Variants in ATP13A5 observed in about 807,000 individuals in gnomAD.
ATP13A5 encodes the protein ATPase 13A5.
A neutral mutation model predicts 150.2 loss-of-function variants in ATP13A5; 149 were observed. That is an observed-to-expected ratio of 0.99 (90% confidence interval 0.87 to 1.14). The LOEUF (loss-of-function observed/expected upper bound fraction) is 1.14. ATP13A5 is among the 50% of genes most tolerant of loss of function. The pLI is 0.00. For missense variants in ATP13A5, 1,383 were observed against 1,449.3 expected (o/e 0.95, Z 0.74); for synonymous variants, 497 against 522.2 (o/e 0.95, Z 0.66).
chr3:193,333,840 T>C lies in ATP13A5; in HGVS notation c.1182A>G (p.Leu394=). The change falls in exon 11 of 30, where the codon CTA becomes CTG. Residue 394 remains leucine (L), a synonymous_variant. Coordinates refer to ENST00000342358, the MANE Select transcript of ATP13A5 (RefSeq NM_198505.4). ...CGATGAACTTGAAGGCATCGCTGTATAGTTTGAAGTTCAGAGGCCGGGGGT... is the reference window on the plus strand; with the variant it reads ...CGATGAACTTGAAGGCATCGCTGTACAGTTTGAAGTTCAGAGGCCGGGGGT... ...ILYPRPLNFK[L]YSDAFKFIVF... 6.2e-7 allele frequency: 1 copy of C among 1,613,928 alleles called. No individual in the cohort carries two copies. Among genetic ancestry groups the C allele is most frequent in the Non-Finnish European group, 8.5e-7 (1 of 1,179,884 alleles).
chr3:193,359,880 A>G (rs1442587287), intron 5 of ATP13A5, among the ~76,000 whole-genome samples: 1 of 151,960 alleles, frequency 6.6e-6, no homozygotes, highest in East Asian at 1.9e-4. Context: ...GCTGCCAGGA[A>G]GTCATTTACT....
At chr3:193,316,168 C>T (rs1197050342) in intron 17 of ATP13A5, among the ~76,000 whole-genome samples, 1 of 151,998 alleles carries the variant, frequency 6.6e-6, no homozygotes, top group South Asian at 2.1e-4. Context: ...AATAATATTC[C>T]ATTATATGTA....
Position 193,335,036 on chromosome 3 carries a change from C to T in ATP13A5, c.1007G>A (p.Cys336Tyr), listed in dbSNP as rs1171138201. The T allele has an allele frequency of 1.9e-6, 3 of 1,613,870 alleles. No individual in the cohort carries two copies. The highest frequency in any genetic ancestry group is 2.5e-6 in the Non-Finnish European group (3 of 1,179,854). The change falls in exon 10 of 30, where the codon TGT becomes TAT. Residue 336 changes from cysteine to tyrosine, a missense_variant. Physicochemically the swap from Cys to Tyr is radical, Grantham distance 194. This residue lies in a region of ATP13A5 where 787 missense variants were observed against 771.9 expected (regional missense o/e 1.02). Transcript: ENST00000342358. ...TTTCCTATAATCCTCCAAACTGTGACATTTCCAAGGCATAGTGTTCTCCAT... is the reference window on the plus strand; with the variant it reads ...TTTCCTATAATCCTCCAAACTGTGATATTTCCAAGGCATAGTGTTCTCCAT... ...PQMENTMPWK[C>Y]HSLEDYRKHV...
intron 16 of ATP13A5, 61 bp downstream of exon 16, chr3:193,321,620 G>C: frequency 1.3e-6 from 2 of 1,566,824 alleles, no homozygotes; most frequent in Non-Finnish European, 1.7e-6. Flanking sequence ...GACAGAGCAA[G>C]ATTCTGTCTC....
chr3:193,310,813 T>G (rs1718816552), intron 20 of ATP13A5, 96 bp from the exon 21 acceptor site: 1 of 823,274 alleles, frequency 1.2e-6, no homozygotes, highest in Non-Finnish European at 1.9e-6. Context: ...GGTTACTAAT[T>G]TAATACAGCA....
intron 29 of ATP13A5, among the ~76,000 whole-genome samples, chr3:193,275,766 C>T (rs1301865716): frequency 6.6e-6 from 1 of 152,184 alleles, no homozygotes; most frequent in Non-Finnish European, 1.5e-5. Context: ...CACATGCCCA[C>T]ACAGTTTTTA....
At chr3:193,323,555 G>C (rs1181788097) in intron 14 of ATP13A5, 1 of 152,206 alleles carries the variant, frequency 6.6e-6, no homozygotes, top group Admixed American at 6.5e-5. Flanking sequence ...GGGGGATGTA[G>C]TTAGGGCCAG....
chr3:193,285,013 C>G lies in ATP13A5; in HGVS notation c.3127G>C (p.Glu1043Gln). 1 of 1,614,018 alleles carries G rather than the reference C, an allele frequency of 6.2e-7. No individual in the cohort carries two copies. ...GTGATGGGCCACAGTGTGGTGGTCT[C>G]AAAACTTAAAATTGAACCAGGAATC... ...TLIPGSILSFETTTLWPITTI... is the reference protein window; with the variant it reads ...TLIPGSILSFQTTTLWPITTI... The change falls in exon 27 of 30, where the codon GAG (glutamate) becomes CAG (glutamine). Residue 1043 changes from glutamate to glutamine, a missense_variant. By Grantham distance (29) the Glu-to-Gln change is conservative. Around this residue, in one of 3 missense-constraint regions of ATP13A5, gnomAD observed 568 missense variants for 621.5 expected, o/e 0.91. Coordinates refer to ENST00000342358, the MANE Select transcript of ATP13A5 (RefSeq NM_198505.4).
At chr3:193,350,064 T>C (rs1386502909) in intron 7 of ATP13A5, among the ~76,000 whole-genome samples, 3 of 152,074 alleles carry the variant, frequency 2.0e-5, no homozygotes, top group Non-Finnish European at 1.5e-5. Flanking sequence ...TATAGTATTA[T>C]TTTAAAAACA....
At chr3:193,326,842 C>T (rs968741488) in intron 13 of ATP13A5, among the ~76,000 whole-genome samples, 154 bp downstream of exon 13, 2 of 152,160 alleles carry the variant, frequency 1.3e-5, no homozygotes, top group Admixed American at 1.3e-4. Flanking sequence ...AATTAGAATT[C>T]ATTTAAGCAA....
chr3:193,333,834 G>A lies in ATP13A5; in HGVS notation c.1188C>T (p.Ser396=), dbSNP rs779145810. The A allele has an allele frequency of 2.1e-5, 34 of 1,613,758 alleles. No individual in the cohort carries two copies. Among genetic ancestry groups the A allele is most frequent in the East Asian group, 1.3e-4 (6 of 44,870 alleles). Residue 396 remains serine, a synonymous_variant, in exon 11 of 30, where the codon AGC becomes AGT. Coordinates refer to ENST00000342358, the MANE Select transcript of ATP13A5 (RefSeq NM_198505.4). ...YPRPLNFKLY[S]DAFKFIVFLA... ...GGAACACGATGAACTTGAAGGCATCGCTGTATAGTTTGAAGTTCAGAGGCC... is the reference window on the plus strand; with the variant it reads ...GGAACACGATGAACTTGAAGGCATCACTGTATAGTTTGAAGTTCAGAGGCC...
intron 17 of ATP13A5, among the ~76,000 whole-genome samples, chr3:193,317,969 T>C (rs886422246): frequency 6.6e-6 from 1 of 152,244 alleles, no homozygotes; most frequent in Non-Finnish European, 1.5e-5. Flanking sequence ...ACAAATCCTA[T>C]GTGGTCTGGA....
chr3:193,345,903 T>A (rs1489956953), intron 7 of ATP13A5, among the ~76,000 whole-genome samples: 2 of 152,112 alleles, frequency 1.3e-5, no homozygotes, highest in Non-Finnish European at 2.9e-5. Flanking sequence ...CAAAGCTAAA[T>A]GTTCTCTGTA....
chr3:193,322,974 T>C (rs1264449255), intron 14 of ATP13A5, among the ~76,000 whole-genome samples: 1 of 152,224 alleles, frequency 6.6e-6, no homozygotes, highest in Non-Finnish European at 1.5e-5. Flanking sequence ...TAGTTCTTCA[T>C]ACTATACCTA....
intron 9 of ATP13A5, among the ~76,000 whole-genome samples, chr3:193,341,167 C>A (rs112543024): frequency 0.048 from 6,200 of 129,868 alleles, 364 homozygotes; most frequent in African/African-American, 0.15. Flanking sequence ...AACATATTCC[C>A]CCCCCCTCCC....
chr3:193,318,902 G>T, intron 17 of ATP13A5, 89 bp downstream of exon 17: 1 of 886,236 alleles, frequency 1.1e-6, no homozygotes, highest in Non-Finnish European at 1.9e-6. Flanking sequence ...GAGCCTTCCA[G>T]GTGATTAGAA....
intron 1 of ATP13A5, among the ~76,000 whole-genome samples, chr3:193,376,062 C>T (rs770990687): frequency 1.1e-4 from 17 of 152,190 alleles, no homozygotes; most frequent in East Asian, 1.9e-4. Flanking sequence ...CATCAGAGAG[C>T]GACAGCCCCC....
intron 25 of ATP13A5, among the ~76,000 whole-genome samples, 157 bp from the exon 26 acceptor site, chr3:193,290,216 A>G (rs1717895714): frequency 6.6e-6 from 1 of 152,152 alleles, no homozygotes; most frequent in African/African-American, 2.4e-5. Flanking sequence ...GCCTGGTGGC[A>G]CATCCAGTTC....
chr3:193,278,159 A>G (rs1318076166), intron 28 of ATP13A5, among the ~76,000 whole-genome samples: 2 of 152,192 alleles, frequency 1.3e-5, no homozygotes, highest in South Asian at 4.1e-4. Context: ...ACTACTTGAG[A>G]GCAGTGACCA....
Sources: gnomAD v4.1 joint callset for allele counts (sites outside exome capture counted in the v4.1 genomes callset) on GRCh38, gnomAD v4.1.1 for gene constraint, gnomAD v4.1.1 regional missense constraint, MANE v1.5 for transcripts, NCBI Gene and HGNC (gene_info 2026-07-23, HGNC 2026-07-21) for gene names.